SLC25A28: variants seen among roughly 807,000 people sequenced by gnomAD.
SLC25A28 encodes mitoferrin-2.
SLC25A28 carries 10 observed loss-of-function variants against 31.9 expected under a neutral mutation model. The ratio of observed to expected loss-of-function variants is 0.31; its 90% confidence interval spans 0.19 to 0.53. The LOEUF is 0.53. Ranked by LOEUF, SLC25A28 falls within the 20% of genes least tolerant of loss-of-function variation. The probability of loss-of-function intolerance (pLI) is 0.95; values close to 1 mark genes in which losing one functional copy is unlikely to be tolerated. For synonymous variants in SLC25A28, 208 were observed against 203.6 expected, an observed-to-expected ratio of 1.02 and a Z score of -0.19; for missense variants, 256 against 490.3, an observed-to-expected ratio of 0.52 and a Z score of 4.51.
chr10:99,650,376 T>C, the SLC25A28 span, among the ~76,000 whole-genome samples: 1 of 152,110 alleles, frequency 6.6e-6, no homozygotes, highest in Non-Finnish European at 1.5e-5. Context: ...AATTGGGTCT[T>C]ACTATGTTGT....
At chr10:99,654,020 A>G in the SLC25A28 span, 1 of 152,258 alleles carries the variant, frequency 6.6e-6, no homozygotes, top group African/African-American at 2.4e-5. Flanking sequence ...AAGGATATGT[A>G]GGAGTTCATT....
At chr10:99,620,932 G>T, upstream of SLC25A28, 2 of 977,370 alleles carry the variant, frequency 2.0e-6, no homozygotes, top group Non-Finnish European at 2.4e-6. Flanking sequence ...ACTGCTGACG[G>T]GCGCCGTTAC....
At chr10:99,624,336 T>G (rs551786234), upstream of SLC25A28, among the ~76,000 whole-genome samples, 4 of 152,094 alleles carry the variant, frequency 2.6e-5, no homozygotes, top group East Asian at 7.7e-4. Context: ...GCTCAAGCAA[T>G]CCTCTTGTCT....
Position 99,613,432 on chromosome 10 carries a change from G to A in SLC25A28, c.520+264C>T, listed in dbSNP as rs1565019438. Reference sequence around the variant, plus strand: ...CCACATTACCAGGGCATTAGAAGTTGATGCCAGGGAGATGAGAGGAACAAG... The same window carrying A: ...CCACATTACCAGGGCATTAGAAGTTAATGCCAGGGAGATGAGAGGAACAAG... On this transcript the variant is annotated intron_variant, in intron 2 of 3. Transcript: ENST00000370495. The surrounding 1 kb of genome is among the most constrained non-coding windows in gnomAD (Gnocchi z 4.9). 2.2e-6 allele frequency: 3 copies of A among 1,354,110 alleles called. No homozygotes were observed. Among genetic ancestry groups the A allele is most frequent in the Non-Finnish European group, 2.9e-6 (3 of 1,049,714 alleles). 83.9% of individuals were successfully genotyped at this position (1,354,110 alleles called of 1,614,324 possible).
the SLC25A28 span, chr10:99,652,347 G>C: frequency 3.9e-5 from 6 of 152,424 alleles, no homozygotes; most frequent in Non-Finnish European, 7.3e-5. Flanking sequence ...TAGGGGTCCT[G>C]GTAAGAGAAA....
At chr10:99,617,958 T>C (rs1314419862) in intron 1 of SLC25A28, 1 of 276,736 alleles carries the variant, frequency 3.6e-6, no homozygotes, top group Non-Finnish European at 5.5e-6. Flanking sequence ...AACTTCTCTT[T>C]CAGAGGTGTT....
chr10:99,620,736 C>T (rs1210898182), upstream of SLC25A28: 12 of 985,598 alleles, frequency 1.2e-5, no homozygotes, highest in Non-Finnish European at 1.4e-5. Flanking sequence ...TAGGCTCAAC[C>T]ACTCTTGATA....
At chr10:99,629,593 A>G in the SLC25A28 span, among the ~76,000 whole-genome samples, 1 of 152,268 alleles carries the variant, frequency 6.6e-6, no homozygotes, top group African/African-American at 2.4e-5. Flanking sequence ...AACCATAGAA[A>G]GAAACAAAGA....
the SLC25A28 span, among the ~76,000 whole-genome samples, chr10:99,648,983 T>G: frequency 6.6e-6 from 1 of 152,178 alleles, no homozygotes; most frequent in Non-Finnish European, 1.5e-5. Flanking sequence ...GGTGAAGACT[T>G]CCAGTACTAA....
intron 1 of SLC25A28, chr10:99,615,798 C>A (rs754684756): frequency 1.0e-6 from 1 of 985,374 alleles, no homozygotes; most frequent in Non-Finnish European, 1.2e-6. Flanking sequence ...TGTTTCCATG[C>A]ATTTATTCAA....
chr10:99,630,602 A>G, the SLC25A28 span, among the ~76,000 whole-genome samples: 22 of 152,190 alleles, frequency 1.4e-4, no homozygotes, highest in African/African-American at 5.1e-4. Flanking sequence ...AATTGGTGCT[A>G]GTTTAATAGG....
At chr10:99,624,146 T>C (rs995352561), upstream of SLC25A28, among the ~76,000 whole-genome samples, 4 of 147,486 alleles carry the variant, frequency 2.7e-5, no homozygotes, top group Non-Finnish European at 4.5e-5. Context: ...GTCTTCTCTT[T>C]TTCTTTCTTT....
chr10:99,657,973 C>T, the SLC25A28 span, among the ~76,000 whole-genome samples: 1 of 152,052 alleles, frequency 6.6e-6, no homozygotes, highest in Non-Finnish European at 1.5e-5. Flanking sequence ...ACTGCTTGAG[C>T]CCAGGAGTTC....
At chr10:99,621,085 G>T, upstream of SLC25A28, 1 of 671,986 alleles carries the variant, frequency 1.5e-6, no homozygotes, top group Non-Finnish European at 1.8e-6. Flanking sequence ...CCTGGCTGGC[G>T]CGACCCGCAG....
At chr10:99,627,113 T>C in the SLC25A28 span, among the ~76,000 whole-genome samples, 1 of 152,058 alleles carries the variant, frequency 6.6e-6, no homozygotes, top group African/African-American at 2.4e-5. Flanking sequence ...TGGTGGTGCA[T>C]GCCTGTAATC....
the SLC25A28 span, among the ~76,000 whole-genome samples, chr10:99,645,527 A>T: frequency 6.6e-6 from 1 of 152,044 alleles, no homozygotes; most frequent in East Asian, 1.9e-4. Context: ...GAAGTTTGTT[A>T]TTACCGATCG....
chr10:99,649,284 C>A, the SLC25A28 span, among the ~76,000 whole-genome samples: 62 of 152,278 alleles, frequency 4.1e-4, no homozygotes, highest in Non-Finnish European at 8.1e-4. Context: ...AACATCCTTG[C>A]ATTCCTGGGA....
upstream of SLC25A28, among the ~76,000 whole-genome samples, chr10:99,623,157 A>G (rs2034825308): frequency 6.6e-6 from 1 of 152,220 alleles, no homozygotes; most frequent in Non-Finnish European, 1.5e-5. Context: ...AGGGCATGCC[A>G]GCAGAAGGAA....
upstream of SLC25A28, among the ~76,000 whole-genome samples, chr10:99,624,433 A>G (rs1169083492): frequency 6.6e-6 from 1 of 152,118 alleles, no homozygotes; most frequent in Non-Finnish European, 1.5e-5. Flanking sequence ...AGTGATGCTG[A>G]TGCTGCTAGA....
Sources: gnomAD v4.1 joint callset for allele counts (sites outside exome capture counted in the v4.1 genomes callset) on GRCh38, gnomAD v4.1.1 for gene constraint, Gnocchi (gnomAD v3.1) non-coding constraint, MANE v1.5 for transcripts, NCBI Gene and HGNC (gene_info 2026-07-23, HGNC 2026-07-21) for gene names.